SMARCA4: variants seen among roughly 807,000 people sequenced by gnomAD.
SMARCA4 encodes the protein SWI/SNF-related matrix-associated actin-dependent regulator of chromatin subfamily A member 4.
Under a neutral mutation model 193.9 loss-of-function variants are expected in SMARCA4, and 31 were observed. The ratio of observed to expected loss-of-function variants is 0.16; its 90% CI spans 0.12 to 0.22. SMARCA4 has a LOEUF of 0.22. Among genes scored for constraint, SMARCA4 ranks in the 10% least tolerant of loss-of-function variants. The pLI, the probability that SMARCA4 is intolerant of heterozygous loss-of-function variation, is 1.00. For missense variants in SMARCA4, 1,148 were observed against 2,296.0 expected, an observed-to-expected ratio of 0.50 and a Z score of 10.22; for synonymous variants, 942 against 933.1, an observed-to-expected ratio of 1.01 and a Z score of -0.17.
chr19:10,993,656 T>G (rs940876729), intron 8 of SMARCA4, among the ~76,000 whole-genome samples: 1 of 152,156 alleles, frequency 6.6e-6, no homozygotes, highest in Non-Finnish European at 1.5e-5. Flanking sequence ...TAGTTTGTTT[T>G]TTTTTTTGAG....
In SMARCA4 at chr19:11,026,355, C is replaced by T. The variant is rs2146517286; in HGVS notation, c.3215+9C>T. The T allele has an allele frequency of 1.2e-6, 2 of 1,612,384 alleles. No individual in the cohort carries two copies. The highest frequency in any genetic ancestry group is 1.7e-6 in the Non-Finnish European group (2 of 1,178,504). On this transcript the variant is annotated intron_variant, in intron 23 of 34. Coordinates refer to ENST00000344626, the MANE Select transcript of SMARCA4 (RefSeq NM_003072.5). ...GGCGGCATTGTCCAAGGGTGAGAAG[C>T]TTCCCAACTGGATGGGGTGGGCAGG... is the stretch of plus-strand genomic sequence containing the variant.
At position 11,053,874 on chromosome 19, in the gene SMARCA4, G is replaced by C. The variant is rs2076396521; in HGVS notation, c.4425-4381G>C. ...TTCAGTGAGCTAGGATGGCACCACTGCACTCTAGCCTGGGCAACAGAACAA... is the reference window on the plus strand; with the variant it reads ...TTCAGTGAGCTAGGATGGCACCACTCCACTCTAGCCTGGGCAACAGAACAA... On this transcript the variant is annotated intron_variant, in intron 30 of 34. Transcript: ENST00000344626. Among the ~76,000 whole-genome samples, 4 of 152,176 alleles carry C rather than the reference G, an allele frequency of 2.6e-5. No homozygotes were observed. In the South Asian group the frequency reaches 6.2e-4, roughly 24 times the overall value.
chr19:11,049,483 G>GTGT (rs1555791625), intron 30 of SMARCA4, among the ~76,000 whole-genome samples: 1 of 140,010 alleles, frequency 7.1e-6, no homozygotes, highest in Non-Finnish European at 1.6e-5. Context: ...CCTGGGTTCT[G>GTGT]TGTTTTTTTT....
At position 10,985,471 on chromosome 19, in the gene SMARCA4, C is replaced by A. The variant is rs138209034; in HGVS notation, c.355+66C>A. The A allele has an allele frequency of 2.9e-4, 452 of 1,574,272 alleles. 1 individual carries two copies. The African/African-American group carries it at 5.3e-3, about 18-fold the overall frequency. On this transcript the variant is annotated intron_variant, in intron 3 of 34. Transcript: ENST00000344626. The surrounding 1 kb of genome is among the most constrained non-coding windows in gnomAD (Gnocchi z 4.5). ...TCCAGAGTCCTCAGATCATTTTCCT[C>A]CCCTGGGTTCCCACAGGATGGATTC... is the stretch of plus-strand genomic sequence containing the variant.
At chr19:10,996,430 G>A (rs374768744) in intron 10 of SMARCA4, 50 bp downstream of exon 10, 51 of 1,613,440 alleles carry the variant, frequency 3.2e-5, no homozygotes, top group African/African-American at 2.5e-4. Context: ...GGGAGCAGCC[G>A]TCTTCACGTG....
intron 29 of SMARCA4, among the ~76,000 whole-genome samples, chr19:11,038,713 C>CCCAG (rs2075403592): frequency 6.6e-6 from 1 of 151,714 alleles, no homozygotes; most frequent in African/African-American, 2.4e-5. Context: ...AGGCACAGTG[C>CCCAG]CCAGCTCACT....
At chr19:11,013,594 C>T (rs568158042) in intron 16 of SMARCA4, among the ~76,000 whole-genome samples, 1 of 152,212 alleles carries the variant, frequency 6.6e-6, no homozygotes, top group South Asian at 2.1e-4. Flanking sequence ...CTGTGCATCC[C>T]CTCCACCCCT....
intron 1 of SMARCA4, chr19:10,977,647 G>T (rs148970952): frequency 6.6e-6 from 1 of 152,390 alleles, no homozygotes; most frequent in African/African-American, 2.4e-5. Context: ...TCTCATTTCT[G>T]TTCAGGGAAA....
At chr19:11,045,656 T>C (rs1600503070) in intron 30 of SMARCA4, among the ~76,000 whole-genome samples, 1 of 152,034 alleles carries the variant, frequency 6.6e-6, no homozygotes, top group African/African-American at 2.4e-5. Flanking sequence ...TTTTTTTTTT[T>C]AGTTTTAGAC....
At chr19:10,978,481 G>C (rs1353762656) in intron 1 of SMARCA4, among the ~76,000 whole-genome samples, 2 of 152,012 alleles carry the variant, frequency 1.3e-5, no homozygotes. Context: ...TTATAGGCAT[G>C]CACCCACCAC....
intron 16 of SMARCA4, 36 bp downstream of exon 16, chr19:11,013,148 C>G (rs2146283366): frequency 6.2e-7 from 1 of 1,608,522 alleles, no homozygotes; most frequent in South Asian, 1.1e-5. Flanking sequence ...CCACACGCCG[C>G]TCACACGCTC....
chr19:11,016,113 G>A (rs999005868), intron 16 of SMARCA4: 5 of 152,276 alleles, frequency 3.3e-5, no homozygotes, highest in Non-Finnish European at 7.3e-5. Flanking sequence ...GAAGGCAAAG[G>A]GGAGCCAGTG....
chr19:10,990,617 C>T (rs750895651), intron 7 of SMARCA4, among the ~76,000 whole-genome samples: 50 of 151,716 alleles, frequency 3.3e-4, no homozygotes, highest in African/African-American at 3.4e-4. Flanking sequence ...TTCGCCATGT[C>T]GCCCAGGCTA....
chr19:10,991,931 G>A (rs1719737897), intron 8 of SMARCA4, among the ~76,000 whole-genome samples: 1 of 152,112 alleles, frequency 6.6e-6, no homozygotes, highest in South Asian at 2.1e-4. Context: ...GGACTGATCT[G>A]ACTCAGGGTT....
At chr19:11,050,386 A>G (rs982628990) in intron 30 of SMARCA4, among the ~76,000 whole-genome samples, 2 of 152,176 alleles carry the variant, frequency 1.3e-5, no homozygotes, top group Non-Finnish European at 2.9e-5. Flanking sequence ...TCTGCACTCC[A>G]CACCTGTCTC....
Position 11,010,496 on chromosome 19 carries a change from G to A in SMARCA4, c.2239G>A (p.Ala747Thr), listed in dbSNP as rs1228221272. Residue 747 changes from alanine (A) to threonine (T), a missense_variant, in exon 15 of 35, where the codon GCG (alanine) becomes ACG (threonine). By Grantham distance (58) the Ala-to-Thr change is moderately conservative. Coordinates refer to ENST00000344626, the MANE Select transcript of SMARCA4 (RefSeq NM_003072.5). ...AVTERVDKQS[A>T]LMVNGVLKQY... ...CACTGAGAGAGTGGACAAGCAGTCA[G>A]CGCTTATGGTCAATGGTGTCCTCAA... The A allele has an allele frequency of 1.9e-6, 3 of 1,613,968 alleles. No individual in the cohort carries two copies. The highest frequency in any genetic ancestry group is 1.6e-4 in the Middle Eastern group (1 of 6,084).
Position 11,030,798 on chromosome 19 carries a change from A to G in SMARCA4, c.3451A>G (p.Ile1151Val), listed in dbSNP as rs544231909. The G allele has an allele frequency of 4.3e-6, 7 of 1,609,732 alleles. No individual in the cohort carries two copies. The highest frequency in any genetic ancestry group is 1.7e-4 in the Middle Eastern group (1 of 6,054). The change falls in exon 25 of 35, where the codon ATC (isoleucine) becomes GTC (valine). Residue 1151 changes from isoleucine (I) to valine (V), a missense_variant. Ile to Val is a conservative substitution (Grantham distance 29). This residue lies in a region of SMARCA4 where 74 missense variants were observed against 392.3 expected (regional missense o/e 0.19). Transcript: ENST00000344626. The surrounding 1 kb of genome is among the most constrained non-coding windows in gnomAD (Gnocchi z 5.5). Reference sequence around the variant, plus strand: ...CAACGAGCCCGGCTCTGAGTACTTCATCTTCCTGCTCAGCACCCGGGCTGG... The same window carrying G: ...CAACGAGCCCGGCTCTGAGTACTTCGTCTTCCTGCTCAGCACCCGGGCTGG... ...TFNEPGSEYF[I>V]FLLSTRAGGL... is the part of the protein sequence containing the mutation.
intron 1 of SMARCA4, among the ~76,000 whole-genome samples, chr19:10,969,870 G>C (rs1454316988): frequency 3.3e-5 from 5 of 152,078 alleles, no homozygotes; most frequent in Non-Finnish European, 5.9e-5. Flanking sequence ...CCACTCCCGT[G>C]CCTGGAACAT....
At chr19:10,968,130 C>T (rs891995587) in intron 1 of SMARCA4, among the ~76,000 whole-genome samples, 4 of 152,256 alleles carry the variant, frequency 2.6e-5, no homozygotes, top group Admixed American at 1.3e-4. Context: ...GGATTACAGG[C>T]GTGAGCCACT....
Sources: gnomAD v4.1 joint callset for allele counts (sites outside exome capture counted in the v4.1 genomes callset) on GRCh38, gnomAD v4.1.1 for gene constraint, gnomAD v4.1.1 regional missense constraint, Gnocchi (gnomAD v3.1) non-coding constraint, MANE v1.5 for transcripts, NCBI Gene and HGNC (gene_info 2026-07-23, HGNC 2026-07-21) for gene names.